Variants in RAP1GAP2 observed in about 807,000 individuals in gnomAD.
The protein encoded by RAP1GAP2 is RAP1 GTPase activating protein 2.
A neutral mutation model predicts 95.0 loss-of-function variants in RAP1GAP2; 27 were observed. That is an observed-to-expected ratio of 0.28 (90% confidence interval 0.21 to 0.39). The LOEUF (loss-of-function observed/expected upper bound fraction) is 0.39. Ranked by LOEUF, RAP1GAP2 falls within the 10% of genes least tolerant of loss-of-function variation. RAP1GAP2 has a pLI of 1.00. For synonymous variants in RAP1GAP2, 373 were observed against 380.9 expected (o/e 0.98, Z 0.24); for missense variants, 771 against 970.0 (o/e 0.79, Z 2.72).
chr17:2,826,241 CGCCTCG>C (rs1567683160), intron 2 of RAP1GAP2, among the ~76,000 whole-genome samples: 1 of 150,250 alleles, frequency 6.7e-6, no homozygotes, highest in East Asian at 2.0e-4. Flanking sequence ...GTGATCTCCC[CGCCTCG>C]GCCTCCCCAA....
At position 2,889,277 on chromosome 17, in the gene RAP1GAP2, G is replaced by A. The variant is rs1338057417; in HGVS notation, c.81-16007G>A. Among the ~76,000 whole-genome samples the A allele has an allele frequency of 3.3e-5, 5 of 152,266 alleles. No homozygotes were observed. In the East Asian group the frequency reaches 9.7e-4, roughly 29 times the overall value. Reference sequence around the variant, plus strand: ...ACCAAATTGCAGTGGTGATGAGCCGGGTGCCAGCTCAGCCGAGTCCTCCAC... The same window carrying A: ...ACCAAATTGCAGTGGTGATGAGCCGAGTGCCAGCTCAGCCGAGTCCTCCAC... On this transcript the variant is annotated intron_variant, in intron 2 of 24. Transcript: ENST00000254695.
chr17:2,840,681 G>A (rs112463210), intron 2 of RAP1GAP2, among the ~76,000 whole-genome samples: 1 of 151,874 alleles, frequency 6.6e-6, no homozygotes, highest in Admixed American at 6.6e-5. Context: ...TATGAGAAAT[G>A]ATTATATCCA....
chr17:3,026,125 AG>A lies in RAP1GAP2; in HGVS notation c.1865+5del. 1 of 1,602,034 alleles carries A rather than the reference AG, an allele frequency of 6.2e-7. No homozygotes were observed. The highest frequency in any genetic ancestry group is 1.1e-5 in the South Asian group (1 of 90,742). ...AAATCTGCCCCAACAAGGAGAAGTAAGAGAGTGAGGGTGGGAAAGGCCAGCT... is the reference window on the plus strand; with the variant it reads ...AAATCTGCCCCAACAAGGAGAAGTAAAGAGTGAGGGTGGGAAAGGCCAGCT... On this transcript the variant is annotated splice_donor_5th_base_variant and intron_variant, in intron 20 of 24. Transcript: ENST00000254695.
chr17:3,030,735 C>T (rs1407830632), intron 22 of RAP1GAP2, among the ~76,000 whole-genome samples, 187 bp from the exon 23 acceptor site: 1 of 152,082 alleles, frequency 6.6e-6, no homozygotes, highest in East Asian at 1.9e-4. Context: ...CTGAGTTGAA[C>T]AACCAGCTCA....
At chr17:2,772,518 C>T (rs1043676655), upstream of RAP1GAP2, among the ~76,000 whole-genome samples, 6 of 152,088 alleles carry the variant, frequency 3.9e-5, no homozygotes, top group African/African-American at 1.4e-4. Flanking sequence ...GGCTGGTCAA[C>T]TCCTAGGTTC....
rs1008989435 is a variant in RAP1GAP2 at position 2,932,741 on chromosome 17, G to A, written c.166-25018G>A. ...TGAGGCACGAGAATCACTTGAACCC[G>A]GGGGAGGCAGAGGTTGCAGTGAGCC... On this transcript the variant is annotated intron_variant, in intron 3 of 24. Coordinates refer to ENST00000254695, the MANE Select transcript of RAP1GAP2 (RefSeq NM_015085.5). Among the ~76,000 whole-genome samples the A allele has an allele frequency of 1.3e-4, 19 of 149,262 alleles. No homozygotes were observed. The Admixed American group carries it at 1.3e-3, about 10-fold the overall frequency.
chr17:3,008,305 C>T lies in RAP1GAP2; in HGVS notation c.1494+160C>T, dbSNP rs1404569822. ...CCTAGGTGTTTGCAAAGGGCAGGGCCGTTAGGAAGTGTGTGAGGCTGGAGC... is the reference window on the plus strand; with the variant it reads ...CCTAGGTGTTTGCAAAGGGCAGGGCTGTTAGGAAGTGTGTGAGGCTGGAGC... On this transcript the variant is annotated intron_variant, in intron 17 of 24. Transcript: ENST00000254695. This position sits in a 1 kb window ranked among gnomAD's most constrained non-coding sequence, Gnocchi z 4.2. 2.0e-5 allele frequency among the ~76,000 whole-genome samples: 3 copies of T among 152,140 alleles called. No individual in the cohort carries two copies. The highest frequency in any genetic ancestry group is 4.8e-5 in the African/African-American group (2 of 41,402).
At chr17:2,970,285 A>T (rs541169025) in intron 8 of RAP1GAP2, among the ~76,000 whole-genome samples, 22 of 148,526 alleles carry the variant, frequency 1.5e-4, no homozygotes, top group African/African-American at 5.3e-4. Context: ...AAAAAAAAAA[A>T]AAAAAAAAAA....
chr17:3,032,731 C>CACCCAA (rs1555606040), intron 24 of RAP1GAP2, among the ~76,000 whole-genome samples: 1 of 146,162 alleles, frequency 6.8e-6, no homozygotes. Context: ...GAAGGGGAGT[C>CACCCAA]GCCCAAGCCC....
chr17:2,990,845 CTTTTTTT>C (rs34075979), intron 11 of RAP1GAP2, among the ~76,000 whole-genome samples: 1 of 128,774 alleles, frequency 7.8e-6, no homozygotes, highest in East Asian at 2.2e-4. Flanking sequence ...GTTCTTTATT[CTTTTTTT>C]TTTTTTTTTT....
chr17:2,879,265 G>A (rs183768663), intron 2 of RAP1GAP2, among the ~76,000 whole-genome samples: 44 of 152,062 alleles, frequency 2.9e-4, no homozygotes, highest in Admixed American at 2.5e-3. Context: ...ACAGGCACCC[G>A]CCACCATAAC....
At chr17:2,939,359 G>A (rs2043405919) in intron 3 of RAP1GAP2, among the ~76,000 whole-genome samples, 1 of 152,264 alleles carries the variant, frequency 6.6e-6, no homozygotes, top group African/African-American at 2.4e-5. Context: ...CAAAGTGCTG[G>A]GATGACAGGC....
At chr17:2,812,214 C>T (rs896960798) in intron 2 of RAP1GAP2, among the ~76,000 whole-genome samples, 6 of 152,136 alleles carry the variant, frequency 3.9e-5, no homozygotes, top group Admixed American at 6.5e-5. Context: ...GCTCTTGCCC[C>T]GACCTCAGTG....
chr17:2,972,825 G>A (rs2044929665), intron 8 of RAP1GAP2, among the ~76,000 whole-genome samples: 1 of 152,136 alleles, frequency 6.6e-6, no homozygotes, highest in South Asian at 2.1e-4. Context: ...TTCATTCAGT[G>A]TTTGTTTACC....
At chr17:2,955,002 A>G (rs1038575976) in intron 3 of RAP1GAP2, among the ~76,000 whole-genome samples, 1 of 152,186 alleles carries the variant, frequency 6.6e-6, no homozygotes, top group Non-Finnish European at 1.5e-5. Flanking sequence ...TCGTATGGAT[A>G]CAGCACATTT....
chr17:2,997,624 T>G (rs1172595251), intron 13 of RAP1GAP2, among the ~76,000 whole-genome samples: 1 of 152,130 alleles, frequency 6.6e-6, no homozygotes, highest in African/African-American at 2.4e-5. Flanking sequence ...TTTTTTCCTT[T>G]TTGGTGGCTT....
intron 3 of RAP1GAP2, among the ~76,000 whole-genome samples, chr17:2,936,135 T>C (rs1210449603): frequency 5.9e-5 from 9 of 151,806 alleles, no homozygotes; most frequent in South Asian, 2.1e-4. Flanking sequence ...ACTTTAAGTT[T>C]TAGGGTACAT....
chr17:2,816,156 C>G (rs751291025), intron 2 of RAP1GAP2, among the ~76,000 whole-genome samples: 1 of 151,832 alleles, frequency 6.6e-6, no homozygotes, highest in South Asian at 2.1e-4. Flanking sequence ...GGAAGAGGCC[C>G]GAGCCGGCTC....
At chr17:2,976,639 AAG>A (rs1329042561) in intron 8 of RAP1GAP2, among the ~76,000 whole-genome samples, 2 of 152,130 alleles carry the variant, frequency 1.3e-5, no homozygotes, top group Non-Finnish European at 2.9e-5. Flanking sequence ...AAGCTGGAAA[AAG>A]AGTAGTTGAA....
Sources: allele counts gnomAD v4.1 joint callset (sites outside exome capture counted in the v4.1 genomes callset), GRCh38; gene constraint gnomAD v4.1.1; non-coding constraint Gnocchi (gnomAD v3.1); transcripts MANE v1.5; gene names NCBI Gene and HGNC (gene_info 2026-07-23, HGNC 2026-07-21).